The following CD44 variants were observed in gnomAD, a reference collection of about 807,000 sequenced individuals.
CD44 encodes CD44 antigen.
CD44 carries 49 observed loss-of-function variants against 88.8 expected under a neutral mutation model. The ratio of observed to expected loss-of-function variants is 0.55; its 90% CI spans 0.44 to 0.70. CD44 has a LOEUF of 0.70. CD44 is among the 30% of genes least tolerant of loss of function. CD44 has a pLI of 0.00. For missense variants in CD44, 883 were observed against 913.8 expected, an observed-to-expected ratio of 0.97 and a Z score of 0.43; for synonymous variants, 325 against 312.3, an observed-to-expected ratio of 1.04 and a Z score of -0.43.
Position 35,139,292 on chromosome 11 carries a change from G to C in CD44, c.-12G>C. On this transcript the variant is annotated 5_prime_UTR_variant, in exon 1 of 18. Coordinates refer to ENST00000428726, the MANE Select transcript of CD44 (RefSeq NM_000610.4). ...CTCCTTTCGCCCGCGCCCTCCGTTC[G>C]CTCCGGACACCATGGACAAGTTTTG... The C allele has an allele frequency of 6.4e-7, 1 of 1,556,576 alleles. No individual in the cohort carries two copies. The highest frequency in any genetic ancestry group is 8.7e-7 in the Non-Finnish European group (1 of 1,149,486).
At chr11:35,226,489 G>C (rs536489930) in intron 17 of CD44, among the ~76,000 whole-genome samples, 106 of 152,206 alleles carry the variant, frequency 7.0e-4, no homozygotes, top group Non-Finnish European at 1.1e-3. Flanking sequence ...TAACGAGGTA[G>C]GTGGAGGCAG....
chr11:35,232,135 T>C lies in CD44; in HGVS notation c.*2802T>C, dbSNP rs1017686746. The C allele has an allele frequency of 6.6e-6, 1 of 152,576 alleles. No individual in the cohort carries two copies. The highest frequency in any genetic ancestry group is 1.5e-5 in the Non-Finnish European group (1 of 68,046). 9.5% of individuals were successfully genotyped at this position (152,576 alleles called of 1,614,324 possible). On this transcript the variant is annotated 3_prime_UTR_variant, in exon 18 of 18. Transcript: ENST00000428726. ...AATGTACTTAAGAATAAGAATAACA[T>C]GGTCCATTCACCTTTATGTTATAGA...
chr11:35,154,908 G>T (rs915502648), intron 1 of CD44, among the ~76,000 whole-genome samples: 5 of 152,132 alleles, frequency 3.3e-5, no homozygotes, highest in Non-Finnish European at 5.9e-5. Flanking sequence ...ATATTATCAA[G>T]ACTCAGGTTT....
At chr11:35,194,117 G>A (rs1253588533) in intron 5 of CD44, among the ~76,000 whole-genome samples, 1 of 152,206 alleles carries the variant, frequency 6.6e-6, no homozygotes, top group African/African-American at 2.4e-5. Flanking sequence ...GCCCAATCAA[G>A]TAAATAGAAA....
intron 1 of CD44, among the ~76,000 whole-genome samples, chr11:35,163,169 C>G (rs773060181): frequency 1.8e-4 from 28 of 152,106 alleles, no homozygotes; most frequent in Non-Finnish European, 3.8e-4. Flanking sequence ...TTTTAATCCA[C>G]CTGTAAGTCA....
intron 5 of CD44, among the ~76,000 whole-genome samples, chr11:35,194,377 T>C (rs564375985): frequency 1.3e-3 from 196 of 152,260 alleles, no homozygotes; most frequent in African/African-American, 4.5e-3. Context: ...AAGTAAAGAT[T>C]TGTAGAGGGA....
Position 35,214,880 on chromosome 11 carries a change from G to C in CD44, c.1839G>C (p.Gly613=), listed in dbSNP as rs771063628. 14 of 1,561,986 alleles carry C rather than the reference G, an allele frequency of 9.0e-6. No homozygotes were observed. In the South Asian group the frequency reaches 1.5e-4, roughly 16 times the overall value. ...ACCAAGACACATTCCACCCCAGTGGGGGGTCCCATACCACTCATGGATCTG... is the reference window on the plus strand; with the variant it reads ...ACCAAGACACATTCCACCCCAGTGGCGGGTCCCATACCACTCATGGATCTG... ...SGDQDTFHPS[G]GSHTTHGSES... is the part of the protein sequence containing the mutation. Residue 613 remains glycine (G), a synonymous_variant, in exon 15 of 18, where the codon GGG becomes GGC. Coordinates refer to ENST00000428726, the MANE Select transcript of CD44 (RefSeq NM_000610.4).
intron 1 of CD44, among the ~76,000 whole-genome samples, chr11:35,146,934 C>T (rs1262149902): frequency 6.6e-6 from 1 of 152,174 alleles, no homozygotes; most frequent in Admixed American, 6.5e-5. Context: ...ATGGAAACTT[C>T]TGCCAATGCA....
rs890794716 is a variant in CD44, at chr11:35,180,508, C to T, written c.367+101C>T. 20 of 1,264,590 alleles carry T rather than the reference C, an allele frequency of 1.6e-5. No homozygotes were observed. In the Middle Eastern group the frequency reaches 1.1e-3, roughly 68 times the overall value. 78.3% of individuals were successfully genotyped at this position (1,264,590 alleles called of 1,614,324 possible). ...ATTCATGTAGCCTCCATTTACATAA[C>T]AAATGCTCACTGAATATCTGTACAG... On this transcript the variant is annotated intron_variant, in intron 3 of 17. Coordinates refer to ENST00000428726, the MANE Select transcript of CD44 (RefSeq NM_000610.4).
In CD44 at chr11:35,190,010, C is replaced by T. The variant is rs746662277; in HGVS notation, c.612C>T (p.Ile204=). 1.8e-5 allele frequency: 29 copies of T among 1,614,106 alleles called. No homozygotes were observed. Among genetic ancestry groups the T allele is most frequent in the Non-Finnish European group, 2.4e-5 (28 of 1,180,038 alleles). Residue 204 remains isoleucine, a synonymous_variant, in exon 5 of 18, where the codon ATC becomes ATT. Transcript: ENST00000428726. ...ACACCTTTTCTACTGTACACCCCAT[C>T]CCAGACGAAGACAGTCCCTGGATCA... The part of the protein sequence containing the change: ...IFYTFSTVHP[I]PDEDSPWITD...
intron 14 of CD44, 108 bp downstream of exon 14, chr11:35,211,557 T>C (rs1948391209): frequency 1.3e-6 from 1 of 755,932 alleles, no homozygotes; most frequent in African/African-American, 1.8e-5. Flanking sequence ...GACTAGTTTG[T>C]GATATGGAAA....
chr11:35,161,870 G>A (rs564308143), intron 1 of CD44, among the ~76,000 whole-genome samples: 62 of 152,198 alleles, frequency 4.1e-4, no homozygotes, highest in African/African-American at 1.3e-3. Context: ...CCAGGTATCT[G>A]AGCCTACAAA....
intron 8 of CD44, 101 bp from the exon 9 acceptor site, chr11:35,201,570 T>G: frequency 7.0e-7 from 1 of 1,437,842 alleles, no homozygotes; most frequent in Non-Finnish European, 9.5e-7. Flanking sequence ...GGTAACACTT[T>G]GGCATAGAAT....
intron 2 of CD44, among the ~76,000 whole-genome samples, chr11:35,179,530 G>A (rs1327592055): frequency 6.6e-6 from 1 of 152,100 alleles, no homozygotes; most frequent in Non-Finnish European, 1.5e-5. Context: ...GGGGAGAGAG[G>A]GGCTATGCAT....
At chr11:35,226,725 G>A (rs1191408871) in intron 17 of CD44, among the ~76,000 whole-genome samples, 2 of 151,844 alleles carry the variant, frequency 1.3e-5, no homozygotes, top group Non-Finnish European at 2.9e-5. Context: ...CTGTTTCAAG[G>A]GCTTTTCACA....
chr11:35,207,295 C>A (rs887675673), intron 11 of CD44, among the ~76,000 whole-genome samples: 2 of 152,250 alleles, frequency 1.3e-5, no homozygotes, highest in African/African-American at 2.4e-5. Context: ...TGGTGCTTCA[C>A]TGGGACTGAT....
chr11:35,149,766 G>T (rs1250716167), intron 1 of CD44, among the ~76,000 whole-genome samples: 1 of 152,104 alleles, frequency 6.6e-6, no homozygotes, highest in Non-Finnish European at 1.5e-5. Context: ...CCACCATAAG[G>T]CAGTGTCAAA....
rs1480629470 is a variant in CD44 at position 35,201,580 on chromosome 11, T to C, written c.1037-91T>C. On this transcript the variant is annotated intron_variant, in intron 8 of 17. Transcript: ENST00000428726. ...TCAGAGGTAACACTTTGGCATAGAA[T>C]TGTTAAATAGCATGCACTTTAATGG... 4 of 1,507,106 alleles carry C rather than the reference T, an allele frequency of 2.7e-6. No homozygotes were observed. In the African/African-American group the frequency reaches 5.6e-5, roughly 21 times the overall value. The allele number at this position is 1,507,106 out of a possible 1,614,324, so 93.4% of individuals were successfully genotyped here. A position where few individuals can be genotyped will look rare whatever the true frequency, so the allele number is the denominator to read the frequency against.
At chr11:35,165,219 A>G (rs1033464698) in intron 1 of CD44, among the ~76,000 whole-genome samples, 1 of 152,172 alleles carries the variant, frequency 6.6e-6, no homozygotes, top group Non-Finnish European at 1.5e-5. Flanking sequence ...TCAGGGAGAG[A>G]AAGAAACATC....
Sources: gnomAD v4.1 joint callset for allele counts (sites outside exome capture counted in the v4.1 genomes callset) on GRCh38, gnomAD v4.1.1 for gene constraint, MANE v1.5 for transcripts, NCBI Gene and HGNC (gene_info 2026-07-23, HGNC 2026-07-21) for gene names.